The following NDST1 variants were observed in gnomAD, a reference collection of about 807,000 sequenced individuals.
The protein encoded by NDST1 is N-deacetylase and N-sulfotransferase 1, also known as bifunctional heparan sulfate N-deacetylase/N-sulfotransferase 1.
NDST1 carries 35 observed loss-of-function variants against 92.8 expected under a neutral mutation model. That is an observed-to-expected ratio of 0.38 (90% confidence interval 0.29 to 0.50). The LOEUF is 0.50. Among genes scored for constraint, NDST1 ranks in the 20% least tolerant of loss-of-function variants. The pLI is 0.94. For missense variants in NDST1, 822 were observed against 1,182.7 expected, an observed-to-expected ratio of 0.69 and a Z score of 4.47; for synonymous variants, 493 against 500.3, an observed-to-expected ratio of 0.99 and a Z score of 0.19.
intron 3 of NDST1, among the ~76,000 whole-genome samples, chr5:150,532,581 C>T (rs1255022197): frequency 6.6e-6 from 1 of 152,036 alleles, no homozygotes; most frequent in East Asian, 1.9e-4. Flanking sequence ...GATCTTGGCT[C>T]CAGTGGTGCG....
In NDST1 at chr5:150,554,278, TG is replaced by T. The variant is rs1755824169; in HGVS notation, c.*947del. ...AAGAAGCTAAAATATTTTAATATTTTGTTTTTTTTTTTCTTGGTGCCAGAGT... is the reference window on the plus strand; with the variant it reads ...AAGAAGCTAAAATATTTTAATATTTTTTTTTTTTTTTCTTGGTGCCAGAGT... On this transcript the variant is annotated 3_prime_UTR_variant, in exon 15 of 15. Transcript: ENST00000261797. The T allele has an allele frequency of 2.7e-6, 1 of 375,854 alleles. No individual in the cohort carries two copies. The highest frequency in any genetic ancestry group is 2.1e-5 in the African/African-American group (1 of 47,770). The allele number at this position is 375,854 out of a possible 1,614,324, so 23.3% of individuals were successfully genotyped here.
chr5:150,523,891 A>G (rs1754353628), intron 2 of NDST1, among the ~76,000 whole-genome samples: 3 of 152,172 alleles, frequency 2.0e-5, no homozygotes, highest in Non-Finnish European at 2.9e-5. Context: ...GGACAAGACT[A>G]TCCTTGGTTT....
intron 10 of NDST1, among the ~76,000 whole-genome samples, chr5:150,544,893 C>T (rs1755412471): frequency 6.6e-6 from 1 of 152,168 alleles, no homozygotes; most frequent in Non-Finnish European, 1.5e-5. Context: ...TGCTCTGTGC[C>T]AGCCTCCCTG....
At chr5:150,546,148 C>T (rs562011669) in intron 11 of NDST1, among the ~76,000 whole-genome samples, 1 of 152,176 alleles carries the variant, frequency 6.6e-6, no homozygotes, top group South Asian at 2.1e-4. Flanking sequence ...CAGGTGTGCA[C>T]CACCACGCCA....
At chr5:150,504,123 TGCCA>T (rs1753348364), upstream of NDST1, among the ~76,000 whole-genome samples, 1 of 152,142 alleles carries the variant, frequency 6.6e-6, no homozygotes, top group South Asian at 2.1e-4. Flanking sequence ...TGCCCAGGCA[TGCCA>T]GCCAAGCCCT....
chr5:150,538,597 G>A (rs1755097444), intron 6 of NDST1, among the ~76,000 whole-genome samples: 1 of 152,196 alleles, frequency 6.6e-6, no homozygotes, highest in South Asian at 2.1e-4. Flanking sequence ...AGTCTGAGGT[G>A]CTGGAAGGAT....
At chr5:150,499,450 TG>T (rs1753135261) in intron 1 of NDST1, among the ~76,000 whole-genome samples, 1 of 152,192 alleles carries the variant, frequency 6.6e-6, no homozygotes, top group South Asian at 2.1e-4. Flanking sequence ...TCTCCTACCT[TG>T]TTCCTTTGTG....
chr5:150,535,620 C>T, intron 5 of NDST1, 80 bp from the exon 6 acceptor site: 1 of 1,533,196 alleles, frequency 6.5e-7, no homozygotes, highest in Non-Finnish European at 9.0e-7. Context: ...TGATTTCTCT[C>T]TCCCATTCTA....
intron 10 of NDST1, among the ~76,000 whole-genome samples, chr5:150,544,400 G>A (rs1288542107): frequency 6.6e-6 from 1 of 152,198 alleles, no homozygotes; most frequent in Non-Finnish European, 1.5e-5. Context: ...AAAGGATTGT[G>A]GACATGCAAA....
chr5:150,502,084 G>A (rs1315572019), intron 1 of NDST1, among the ~76,000 whole-genome samples: 1 of 152,186 alleles, frequency 6.6e-6, no homozygotes, highest in Admixed American at 6.5e-5. Context: ...CTTGGCCATG[G>A]GGAGGACTTT....
chr5:150,516,976 A>AGT (rs56170880), intron 1 of NDST1, among the ~76,000 whole-genome samples: 11,739 of 143,558 alleles, frequency 0.082, 520 homozygotes, highest in South Asian at 0.13. Context: ...GACATTTTCT[A>AGT]GTGTGTGTGT....
chr5:150,510,025 A>G (rs543353197), intron 1 of NDST1, among the ~76,000 whole-genome samples: 76 of 151,942 alleles, frequency 5.0e-4, no homozygotes, highest in African/African-American at 1.6e-3. Flanking sequence ...AGTGGTGTGG[A>G]AAGTAGGACT....
intron 11 of NDST1, 66 bp downstream of exon 11, chr5:150,545,552 C>A: frequency 6.3e-7 from 1 of 1,580,300 alleles, no homozygotes; most frequent in Non-Finnish European, 8.7e-7. Context: ...CTCAGTTACT[C>A]ACTCACTCAA....
rs979603491 is a variant in NDST1, at chr5:150,557,995, A to G, written c.*4663A>G. On this transcript the variant is annotated 3_prime_UTR_variant, in exon 15 of 15. Coordinates refer to ENST00000261797, the MANE Select transcript of NDST1 (RefSeq NM_001543.5). The surrounding 1 kb of genome is among the most constrained non-coding windows in gnomAD (Gnocchi z 4.7). ...AATTCATGTCATTTCCTGGGAGAGG[A>G]GAGGGCCGACTGGAGAGGGTGGGGG... The G allele has an allele frequency of 4.0e-4, 53 of 130,956 alleles. No homozygotes were observed. Among genetic ancestry groups the G allele is most frequent in the African/African-American group, 1.5e-3 (52 of 34,026 alleles). 8.1% of individuals were successfully genotyped at this position (130,956 alleles called of 1,614,324 possible). A position where few individuals can be genotyped will look rare whatever the true frequency, so the allele number is the denominator to read the frequency against.
chr5:150,547,231 A>G (rs1488712120), intron 11 of NDST1, among the ~76,000 whole-genome samples: 1 of 152,226 alleles, frequency 6.6e-6, no homozygotes, highest in Admixed American at 6.5e-5. Flanking sequence ...CAAGAGGGGT[A>G]AGGGATAGAA....
rs1389211028 is a variant in NDST1 at position 150,555,241 on chromosome 5, A to G, written c.*1909A>G. On this transcript the variant is annotated 3_prime_UTR_variant, in exon 15 of 15. Transcript: ENST00000261797. ...ATGGTCATTCCAGGATATGGGGACA[A>G]ACCACTCCTTCCCAGCCAGGGTGCC... 6.5e-6 allele frequency: 1 copy of G among 152,862 alleles called. No individual in the cohort carries two copies. The highest frequency in any genetic ancestry group is 1.9e-4 in the East Asian group (1 of 5,184). The allele number at this position is 152,862 out of a possible 1,614,324, so 9.5% of individuals were successfully genotyped here. A position where few individuals can be genotyped will look rare whatever the true frequency, so the allele number is the denominator to read the frequency against.
intron 1 of NDST1, among the ~76,000 whole-genome samples, chr5:150,519,110 T>G (rs1428112255): frequency 6.6e-6 from 1 of 152,132 alleles, no homozygotes; most frequent in East Asian, 1.9e-4. Context: ...AATCTCCCAT[T>G]GTTTGGGATT....
chr5:150,542,700 T>C (rs1031503471), intron 9 of NDST1, 148 bp from the exon 10 acceptor site: 20 of 999,288 alleles, frequency 2.0e-5, no homozygotes, highest in Non-Finnish European at 2.7e-5. Flanking sequence ...AATTCCTTCA[T>C]TGCACAGATG....
At chr5:150,535,193 A>G in intron 5 of NDST1, 172 bp downstream of exon 5, 1 of 812,444 alleles carries the variant, frequency 1.2e-6, no homozygotes, top group African/African-American at 1.9e-5. Flanking sequence ...TTGAAGCCCC[A>G]AGAGAATAAC....
Sources: gnomAD v4.1 joint callset for allele counts (sites outside exome capture counted in the v4.1 genomes callset) on GRCh38, gnomAD v4.1.1 for gene constraint, Gnocchi (gnomAD v3.1) non-coding constraint, MANE v1.5 for transcripts, NCBI Gene and HGNC (gene_info 2026-07-23, HGNC 2026-07-21) for gene names.